ZNF676: variants seen among roughly 807,000 people sequenced by gnomAD.
ZNF676 encodes the protein zinc finger protein 676.
In ZNF676, 4 loss-of-function variants were observed where a neutral mutation model predicts 6.0. That is an observed-to-expected ratio of 0.67 (90% confidence interval 0.33 to 1.53). The LOEUF (loss-of-function observed/expected upper bound fraction) is 1.53, where lower values mean the gene tolerates loss of function less well. Among genes scored for constraint, ZNF676 ranks in the 40% most tolerant of loss-of-function variants. The probability of loss-of-function intolerance (pLI) is 0.06; values close to 1 mark genes in which losing one functional copy is unlikely to be tolerated. For synonymous variants in ZNF676, 198 were observed against 223.1 expected, an observed-to-expected ratio of 0.89 and a Z score of 1.00; for missense variants, 644 against 679.7, an observed-to-expected ratio of 0.95 and a Z score of 0.58.
At position 22,179,672 on chromosome 19, in the gene ZNF676, T is replaced by A. The variant is rs2145772825; in HGVS notation, c.*278A>T. On this transcript the variant is annotated 3_prime_UTR_variant, in exon 3 of 3. Coordinates refer to ENST00000397121, the MANE Select transcript of ZNF676 (RefSeq NM_001001411.3). ...TGAGTAGTAAGGTGTGAGGAACAGT[T>A]GAAGTCTTTATCACATTCTTCGCAT... is the stretch of plus-strand genomic sequence containing the variant. The A allele has an allele frequency of 1.5e-6, 1 of 653,118 alleles. No individual in the cohort carries two copies. The highest frequency in any genetic ancestry group is 1.7e-5 in the South Asian group (1 of 59,622). The allele number at this position is 653,118 out of a possible 1,614,324, so 40.5% of individuals were successfully genotyped here.
chr19:22,200,040 G>C (rs954497729), upstream of ZNF676, among the ~76,000 whole-genome samples: 7 of 152,056 alleles, frequency 4.6e-5, no homozygotes, highest in African/African-American at 1.4e-4. Flanking sequence ...CTCCAAAAAG[G>C]GTGAATATGA....
intron 1 of ZNF676, among the ~76,000 whole-genome samples, chr19:22,195,045 G>A (rs1417385682): frequency 6.6e-6 from 1 of 152,156 alleles, no homozygotes; most frequent in Non-Finnish European, 1.5e-5. Flanking sequence ...AATTATAAAG[G>A]AGAAATCCAA....
chr19:22,205,092 T>G (rs568209709), intron 1 of ZNF676, among the ~76,000 whole-genome samples: 43 of 152,136 alleles, frequency 2.8e-4, no homozygotes, highest in Middle Eastern at 3.4e-3. Flanking sequence ...CTTAAAAGAA[T>G]GTTTATGGGG....
At chr19:22,191,006 G>A (rs2023900356) in intron 2 of ZNF676, among the ~76,000 whole-genome samples, 1 of 152,014 alleles carries the variant, frequency 6.6e-6, no homozygotes, top group Admixed American at 6.6e-5. Flanking sequence ...AAGTCTGTCA[G>A]TCATCCACGA....
the ZNF676 span, among the ~76,000 whole-genome samples, chr19:22,258,993 T>C: frequency 6.6e-6 from 1 of 152,164 alleles, no homozygotes; most frequent in Non-Finnish European, 1.5e-5. Flanking sequence ...ACGCTGGGTG[T>C]CCTTAGTGGA....
At chr19:22,212,926 C>T (rs1299758168) in intron 1 of ZNF676, among the ~76,000 whole-genome samples, 3 of 151,628 alleles carry the variant, frequency 2.0e-5, no homozygotes, top group African/African-American at 7.3e-5. Context: ...ATCCGGGAGG[C>T]GGAGGTTACA....
intron 2 of ZNF676, among the ~76,000 whole-genome samples, chr19:22,186,643 A>C (rs1419359002): frequency 6.6e-6 from 1 of 152,242 alleles, no homozygotes; most frequent in East Asian, 1.9e-4. Flanking sequence ...GATCCATCTC[A>C]CATGCAAAGA....
chr19:22,192,967 A>G (rs759683179), intron 2 of ZNF676, 49 bp downstream of exon 2: 1 of 1,548,626 alleles, frequency 6.5e-7, no homozygotes, highest in Admixed American at 2.0e-5. Flanking sequence ...TGGCTTCCTC[A>G]TTGACTTTGG....
intron 2 of ZNF676, among the ~76,000 whole-genome samples, chr19:22,189,373 G>A (rs2023875578): frequency 6.6e-6 from 1 of 151,208 alleles, no homozygotes; most frequent in Non-Finnish European, 1.5e-5. Flanking sequence ...ATTTAAAGAT[G>A]TAAAAGATTT....
chr19:22,191,374 CCA>C lies in ZNF676; in HGVS notation c.130+1640_130+1641del, dbSNP rs540903786. Among the ~76,000 whole-genome samples, 315 of 152,276 alleles carry C rather than the reference CCA, an allele frequency of 2.1e-3. 2 individuals carry two copies. Among genetic ancestry groups the C allele is most frequent in the African/African-American group, 6.8e-3 (281 of 41,554 alleles). On this transcript the variant is annotated intron_variant, in intron 2 of 2. Coordinates refer to ENST00000397121, the MANE Select transcript of ZNF676 (RefSeq NM_001001411.3). ...TGTAACCATCCCAAACTCCTCCCAG[CCA>C]CAGTCTGTGAGAGGTCTTGGTCCTC...
chr19:22,240,664 G>C, the ZNF676 span, among the ~76,000 whole-genome samples: 153 of 152,028 alleles, frequency 1.0e-3, 3 homozygotes, highest in East Asian at 0.027. Flanking sequence ...GTGGTGGCAG[G>C]CTTCTGTAGT....
chr19:22,225,588 T>C, the ZNF676 span, among the ~76,000 whole-genome samples: 1 of 152,216 alleles, frequency 6.6e-6, no homozygotes, highest in Non-Finnish European at 1.5e-5. Context: ...AGGTTTCATT[T>C]TCATAGCATC....
chr19:22,206,785 GTTC>G (rs1464991304), intron 1 of ZNF676, among the ~76,000 whole-genome samples: 9 of 152,086 alleles, frequency 5.9e-5, no homozygotes, highest in Non-Finnish European at 1.3e-4. Flanking sequence ...TTCAAGGTTT[GTTC>G]AACATACACG....
At chr19:22,213,274 T>C (rs1020334244) in intron 1 of ZNF676, among the ~76,000 whole-genome samples, 16 of 152,170 alleles carry the variant, frequency 1.1e-4, no homozygotes, top group Non-Finnish European at 1.6e-4. Context: ...AGTGCTATTT[T>C]TTTCCACAAA....
At chr19:22,207,143 G>C (rs1043228664) in intron 1 of ZNF676, among the ~76,000 whole-genome samples, 1 of 152,144 alleles carries the variant, frequency 6.6e-6, no homozygotes, top group Admixed American at 6.5e-5. Flanking sequence ...AAAAAGAGAG[G>C]AAGTCAAACT....
the ZNF676 span, among the ~76,000 whole-genome samples, chr19:22,241,672 T>C: frequency 1.3e-5 from 2 of 151,840 alleles, no homozygotes; most frequent in Non-Finnish European, 2.9e-5. Flanking sequence ...GAATTTGCTC[T>C]GAGACCTCCA....
chr19:22,209,177 G>A (rs1046033769), intron 1 of ZNF676, among the ~76,000 whole-genome samples: 5 of 151,990 alleles, frequency 3.3e-5, no homozygotes, highest in African/African-American at 1.2e-4. Flanking sequence ...TGGCAGAACT[G>A]CTTGAACCCG....
rs552077615 is a variant in ZNF676, at chr19:22,181,426, A to G, written c.291T>C (p.Gly97=). 2.3e-4 allele frequency: 376 copies of G among 1,613,650 alleles called. No homozygotes were observed. Among genetic ancestry groups the G allele is most frequent in the East Asian group, 2.0e-4 (9 of 44,812 alleles). The change falls in exon 3 of 3, where the codon GGT becomes GGC. Residue 97 remains glycine (G), a synonymous_variant. Transcript: ENST00000397121. Reference sequence around the variant, plus strand: ...TTAAACTCTGGTTAAGTTTATTATAACCTTCTTTGTGCACGTTACACTCAT... The same window carrying G: ...TTAAACTCTGGTTAAGTTTATTATAGCCTTCTTTGTGCACGTTACACTCAT... ...NVDECNVHKE[G]YNKLNQSLTT... is the part of the protein sequence containing the mutation.
the ZNF676 span, among the ~76,000 whole-genome samples, chr19:22,253,402 G>GTATATATATATA: frequency 1.2e-4 from 13 of 106,336 alleles, no homozygotes; most frequent in East Asian, 1.7e-3. Flanking sequence ...ATATGATAAT[G>GTATATATATATA]TGTATATATA....
Sources: allele counts gnomAD v4.1 joint callset (sites outside exome capture counted in the v4.1 genomes callset), GRCh38; gene constraint gnomAD v4.1.1; transcripts MANE v1.5; gene names NCBI Gene and HGNC (gene_info 2026-07-23, HGNC 2026-07-21).